ETFA: variants seen among roughly 807,000 people sequenced by gnomAD.
ETFA encodes the protein electron transfer flavoprotein subunit alpha.
Under a neutral mutation model 46.2 loss-of-function variants are expected in ETFA, and 22 were observed. The ratio of observed to expected loss-of-function variants is 0.48; its 90% CI spans 0.34 to 0.68. ETFA has a LOEUF of 0.68. Ranked by LOEUF, ETFA falls within the 30% of genes least tolerant of loss-of-function variation. The pLI, the probability that ETFA is intolerant of heterozygous loss-of-function variation, is 0.01. For missense variants in ETFA, 345 were observed against 401.1 expected, an observed-to-expected ratio of 0.86 and a Z score of 1.19; for synonymous variants, 131 against 139.9, an observed-to-expected ratio of 0.94 and a Z score of 0.45.
chr15:76,229,974 G>C (rs1346791795), intron 10 of ETFA: 1 of 151,784 alleles, frequency 6.6e-6, no homozygotes, highest in Non-Finnish European at 1.5e-5. Flanking sequence ...AGTAGTCCAA[G>C]TAGCAAGTTA....
intron 1 of ETFA, among the ~76,000 whole-genome samples, chr15:76,297,505 T>A (rs995440871): frequency 3.3e-5 from 5 of 152,010 alleles, no homozygotes; most frequent in Non-Finnish European, 1.5e-5. Flanking sequence ...GTTTCACACA[T>A]CATTTGCCAT....
intron 10 of ETFA, among the ~76,000 whole-genome samples, chr15:76,229,378 T>G (rs1346335015): frequency 6.6e-6 from 1 of 152,234 alleles, no homozygotes. Flanking sequence ...AAGTCTTGGC[T>G]GACCCCCAAC....
chr15:76,239,068 T>G (rs1329567541), intron 9 of ETFA, among the ~76,000 whole-genome samples: 1 of 152,090 alleles, frequency 6.6e-6, no homozygotes, highest in East Asian at 1.9e-4. Flanking sequence ...CTATATGTAC[T>G]GTCTATGTTA....
intron 9 of ETFA, among the ~76,000 whole-genome samples, chr15:76,248,699 A>T (rs1738803420): frequency 6.6e-6 from 1 of 151,964 alleles, no homozygotes; most frequent in South Asian, 2.1e-4. Context: ...ACATGGTGAA[A>T]CCCCATCTCC....
intron 9 of ETFA, among the ~76,000 whole-genome samples, chr15:76,266,890 C>T (rs959497703): frequency 2.0e-5 from 3 of 147,406 alleles, no homozygotes; most frequent in South Asian, 2.3e-4. Context: ...GGCGACAAAG[C>T]GAGACTCCGT....
In ETFA at chr15:76,295,936, CTTTTTTTT is replaced by C. The variant is rs1157687784; in HGVS notation, c.40-207_40-200del. ...TGTCTATCACTGTACCACTAATATT[CTTTTTTTT>C]TTTTTTTTTTTTTTTGAGATGGAGT... On this transcript the variant is annotated intron_variant, in intron 1 of 11. Coordinates refer to ENST00000557943, the MANE Select transcript of ETFA (RefSeq NM_000126.4). Among the ~76,000 whole-genome samples the C allele has an allele frequency of 1.3e-4, 6 of 46,602 alleles. 1 individual carries two copies. Among genetic ancestry groups the C allele is most frequent in the Non-Finnish European group, 1.3e-4 (3 of 23,544 alleles). The allele number at this position is 46,602 out of a possible 152,430, so 30.6% of individuals were successfully genotyped here. A position where few individuals can be genotyped will look rare whatever the true frequency, so the allele number is the denominator to read the frequency against.
At chr15:76,253,220 A>G (rs1228174501) in intron 9 of ETFA, among the ~76,000 whole-genome samples, 1 of 152,218 alleles carries the variant, frequency 6.6e-6, no homozygotes, top group African/African-American at 2.4e-5. Context: ...TCTTGCAGAG[A>G]GCATGAATCC....
rs770760376 is a variant in ETFA, at chr15:76,216,528, A to G, written c.*31T>C. The G allele has an allele frequency of 4.4e-6, 6 of 1,350,504 alleles. No homozygotes were observed. Among genetic ancestry groups the G allele is most frequent in the Middle Eastern group, 1.8e-4 (1 of 5,432 alleles). 83.7% of individuals were successfully genotyped at this position (1,350,504 alleles called of 1,614,324 possible). On this transcript the variant is annotated 3_prime_UTR_variant, in exon 12 of 12. Coordinates refer to ENST00000557943, the MANE Select transcript of ETFA (RefSeq NM_000126.4). ...TGTGATTTCAGTGGAATACTTTAAC[A>G]AAAGTTTTCTTTTTAAGGCATGATC...
At position 76,296,106 on chromosome 15, in the gene ETFA, G is replaced by A. The variant is rs896657087; in HGVS notation, c.40-369C>T. On this transcript the variant is annotated intron_variant, in intron 1 of 11. Transcript: ENST00000557943. Reference sequence around the variant, plus strand: ...AACTACAGGCGCCCACCACCATGTCGGCTAATTTTGTTTTTGTACTTTCAG... The same window carrying A: ...AACTACAGGCGCCCACCACCATGTCAGCTAATTTTGTTTTTGTACTTTCAG... Among the ~76,000 whole-genome samples the A allele has an allele frequency of 5.3e-5, 8 of 151,112 alleles. No homozygotes were observed. The South Asian group carries it at 6.3e-4, about 12-fold the overall frequency.
chr15:76,273,832 T>G (rs2039566370), intron 9 of ETFA, among the ~76,000 whole-genome samples: 1 of 152,196 alleles, frequency 6.6e-6, no homozygotes, highest in Non-Finnish European at 1.5e-5. Flanking sequence ...TTATCAACTG[T>G]GATTCAACTT....
At chr15:76,245,993 TAAAG>T (rs979379614) in intron 9 of ETFA, among the ~76,000 whole-genome samples, 13 of 152,190 alleles carry the variant, frequency 8.5e-5, no homozygotes, top group African/African-American at 2.9e-4. Flanking sequence ...AAACCTCAGG[TAAAG>T]AAATAAGAAT....
chr15:76,254,515 A>G (rs544706733), intron 9 of ETFA, among the ~76,000 whole-genome samples: 1 of 152,356 alleles, frequency 6.6e-6, no homozygotes, highest in South Asian at 2.1e-4. Flanking sequence ...TTACAAAACT[A>G]TTAGACAACC....
chr15:76,290,432 C>G (rs181363530), intron 4 of ETFA, among the ~76,000 whole-genome samples: 439 of 149,538 alleles, frequency 2.9e-3, no homozygotes, highest in Non-Finnish European at 4.2e-3. Flanking sequence ...GCAGCCTCAA[C>G]CTTCCAGGCT....
intron 1 of ETFA, among the ~76,000 whole-genome samples, chr15:76,298,604 G>A (rs11854972): frequency 0.095 from 14,448 of 152,170 alleles, 833 homozygotes; most frequent in Middle Eastern, 0.15. Flanking sequence ...TGAGGAAACT[G>A]GAGCTTAGCA....
At chr15:76,223,106 G>C (rs2038973371) in intron 11 of ETFA, among the ~76,000 whole-genome samples, 1 of 151,870 alleles carries the variant, frequency 6.6e-6, no homozygotes, top group African/African-American at 2.4e-5. Flanking sequence ...AAAGTACTGG[G>C]ATTACAGGCA....
intron 10 of ETFA, 27 bp from the exon 11 acceptor site, chr15:76,225,956 C>T: frequency 7.1e-7 from 1 of 1,408,652 alleles, no homozygotes; most frequent in South Asian, 1.2e-5. Flanking sequence ...AAGAGTTTGA[C>T]TTTTACCAAG....
intron 9 of ETFA, among the ~76,000 whole-genome samples, chr15:76,237,305 G>A (rs1372368793): frequency 1.3e-5 from 2 of 152,046 alleles, no homozygotes; most frequent in Admixed American, 6.6e-5. Context: ...CACCCACCTC[G>A]GCCTCCCAAA....
intron 1 of ETFA, among the ~76,000 whole-genome samples, chr15:76,300,506 C>A (rs529891067): frequency 1.3e-5 from 2 of 152,306 alleles, no homozygotes; most frequent in South Asian, 4.1e-4. Context: ...ATCGTCAATG[C>A]CAATATCCTA....
chr15:76,295,785 G>C, intron 1 of ETFA, 48 bp from the exon 2 acceptor site: 3 of 1,423,482 alleles, frequency 2.1e-6, no homozygotes, highest in Non-Finnish European at 1.9e-6. Flanking sequence ...GTTGTCACAG[G>C]GTTTTTTTTT....
Sources: gnomAD v4.1 joint callset for allele counts (sites outside exome capture counted in the v4.1 genomes callset) on GRCh38, gnomAD v4.1.1 for gene constraint, MANE v1.5 for transcripts, NCBI Gene and HGNC (gene_info 2026-07-23, HGNC 2026-07-21) for gene names.